Variants in LINGO2 observed in about 807,000 individuals in gnomAD.
LINGO2 encodes leucine-rich repeat and immunoglobulin-like domain-containing nogo receptor-interacting protein 2.
In LINGO2, 14 loss-of-function variants were observed where a neutral mutation model predicts 30.6. That is an observed-to-expected ratio of 0.46 (90% confidence interval 0.30 to 0.72). The LOEUF is 0.72. Ranked by LOEUF, LINGO2 falls within the 30% of genes least tolerant of loss-of-function variation. The probability of loss-of-function intolerance (pLI) is 0.07; values close to 1 mark genes in which losing one functional copy is unlikely to be tolerated. For synonymous variants in LINGO2, 317 were observed against 288.5 expected (o/e 1.10, Z -1.00); for missense variants, 729 against 751.7 (o/e 0.97, Z 0.35).
the LINGO2 span, among the ~76,000 whole-genome samples, chr9:28,903,793 A>T: frequency 6.6e-6 from 1 of 152,130 alleles, no homozygotes; most frequent in African/African-American, 2.4e-5. Context: ...CTAACACTTA[A>T]TTAAGAAATA....
At chr9:28,486,531 A>C (rs991656496) in intron 1 of LINGO2, among the ~76,000 whole-genome samples, 2 of 152,146 alleles carry the variant, frequency 1.3e-5, no homozygotes, top group Admixed American at 1.3e-4. Flanking sequence ...ACATACATAC[A>C]TATGTTCATG....
intron 4 of LINGO2, among the ~76,000 whole-genome samples, chr9:28,163,332 AGTATG>A (rs1420377042): frequency 6.6e-6 from 1 of 152,176 alleles, no homozygotes; most frequent in Admixed American, 6.6e-5. Flanking sequence ...TGAGTGTGTG[AGTATG>A]AACAGCATGC....
chr9:28,569,119 A>C (rs778835462), intron 1 of LINGO2, among the ~76,000 whole-genome samples: 36 of 152,090 alleles, frequency 2.4e-4, no homozygotes, highest in Non-Finnish European at 4.4e-4. Context: ...GGCTATTATC[A>C]GAAAGATGAA....
the LINGO2 span, among the ~76,000 whole-genome samples, chr9:29,089,018 C>T: frequency 6.6e-6 from 1 of 152,080 alleles, no homozygotes; most frequent in African/African-American, 2.4e-5. Flanking sequence ...AGGGCTTAGA[C>T]AATCAACATA....
chr9:28,459,686 T>G (rs1335404759), intron 2 of LINGO2, among the ~76,000 whole-genome samples: 1 of 152,068 alleles, frequency 6.6e-6, no homozygotes, highest in Non-Finnish European at 1.5e-5. Context: ...TCTCGGTCCA[T>G]AGATGGTACC....
chr9:28,820,831 G>C, the LINGO2 span, among the ~76,000 whole-genome samples: 1 of 152,186 alleles, frequency 6.6e-6, no homozygotes, highest in African/African-American at 2.4e-5. Flanking sequence ...TAATCAATTT[G>C]CTTCGAAAAT....
chr9:28,474,731 G>A (rs999786738), intron 2 of LINGO2, among the ~76,000 whole-genome samples: 1 of 152,112 alleles, frequency 6.6e-6, no homozygotes, highest in Admixed American at 6.5e-5. Flanking sequence ...TAGATTGAGT[G>A]TTTCACTTGC....
the LINGO2 span, among the ~76,000 whole-genome samples, chr9:29,053,620 T>C: frequency 1.3e-5 from 2 of 152,092 alleles, no homozygotes; most frequent in Admixed American, 6.6e-5. Flanking sequence ...ATACAGAATA[T>C]GATTTTCACA....
intron 1 of LINGO2, among the ~76,000 whole-genome samples, chr9:28,505,477 T>C (rs1200357900): frequency 6.6e-6 from 1 of 151,952 alleles, no homozygotes; most frequent in East Asian, 1.9e-4. Flanking sequence ...AATGTCTGTT[T>C]AGTTATGTTT....
chr9:28,428,460 T>C (rs182494939), intron 2 of LINGO2, among the ~76,000 whole-genome samples: 189 of 152,258 alleles, frequency 1.2e-3, no homozygotes, highest in Admixed American at 6.3e-3. Context: ...TTTCCAAAAG[T>C]AGGTTATTTT....
intron 4 of LINGO2, among the ~76,000 whole-genome samples, chr9:28,226,508 T>A (rs953477886): frequency 8.6e-5 from 13 of 151,882 alleles, no homozygotes; most frequent in African/African-American, 2.7e-4. Context: ...GGATTTTTTT[T>A]AATTTCTCTG....
chr9:28,951,918 T>G, the LINGO2 span, among the ~76,000 whole-genome samples: 6 of 152,264 alleles, frequency 3.9e-5, no homozygotes, highest in East Asian at 1.2e-3. Flanking sequence ...AAAGAAGATA[T>G]TTACATGGCC....
At chr9:28,519,062 G>A (rs1820733943) in intron 1 of LINGO2, among the ~76,000 whole-genome samples, 1 of 152,070 alleles carries the variant, frequency 6.6e-6, no homozygotes, top group Non-Finnish European at 1.5e-5. Context: ...GACAGGGTCT[G>A]ACTCTTGTTG....
At chr9:28,892,571 C>T in the LINGO2 span, among the ~76,000 whole-genome samples, 1 of 151,838 alleles carries the variant, frequency 6.6e-6, no homozygotes, top group Non-Finnish European at 1.5e-5. Context: ...AGCAACTTAA[C>T]ATGTAAATAA....
At chr9:29,048,525 C>T in the LINGO2 span, among the ~76,000 whole-genome samples, 1 of 151,802 alleles carries the variant, frequency 6.6e-6, no homozygotes, top group Non-Finnish European at 1.5e-5. Context: ...CTATCCTGAA[C>T]AAAAAGAACA....
the LINGO2 span, among the ~76,000 whole-genome samples, chr9:28,902,015 T>C: frequency 6.6e-6 from 1 of 152,096 alleles, no homozygotes; most frequent in Admixed American, 6.6e-5. Context: ...TATAGTGAGA[T>C]ACTGGCTCTA....
the LINGO2 span, among the ~76,000 whole-genome samples, chr9:29,159,291 G>A: frequency 6.6e-6 from 1 of 152,064 alleles, no homozygotes; most frequent in Admixed American, 6.5e-5. Flanking sequence ...ATTCCTCACG[G>A]TTACCTACTT....
chr9:28,995,182 A>C, the LINGO2 span, among the ~76,000 whole-genome samples: 1 of 152,228 alleles, frequency 6.6e-6, no homozygotes. Flanking sequence ...AGAAAAAAAC[A>C]AACAACCCCA....
the LINGO2 span, among the ~76,000 whole-genome samples, chr9:28,996,008 C>T: frequency 1.7e-5 from 2 of 120,044 alleles, no homozygotes; most frequent in Non-Finnish European, 3.8e-5. Flanking sequence ...TACCCTAAAA[C>T]TTAAAGTATA....
Sources: allele counts gnomAD v4.1 joint callset (sites outside exome capture counted in the v4.1 genomes callset), GRCh38; gene constraint gnomAD v4.1.1; transcripts MANE v1.5; gene names NCBI Gene and HGNC (gene_info 2026-07-23, HGNC 2026-07-21).